Variants in DLGAP2 observed in about 807,000 individuals in gnomAD.
The protein encoded by DLGAP2 is disks large-associated protein 2.
DLGAP2 carries 26 observed loss-of-function variants against 100.3 expected under a neutral mutation model. That is an observed-to-expected ratio of 0.26 (90% CI 0.19 to 0.36). The LOEUF is 0.36. DLGAP2 is among the 10% of genes least tolerant of loss of function. DLGAP2 has a pLI of 1.00. For synonymous variants in DLGAP2, 886 were observed against 630.1 expected (o/e 1.41, Z -6.08); for missense variants, 1,858 against 1,453.2 (o/e 1.28, Z -4.53).
intron 2 of DLGAP2, among the ~76,000 whole-genome samples, chr8:1,037,304 T>C (rs1302225057): frequency 3.9e-5 from 6 of 152,134 alleles, no homozygotes; most frequent in African/African-American, 1.4e-4. Context: ...AGGCTCTGGC[T>C]CAACCTGAAG....
chr8:814,313 C>T (rs531732310), intron 1 of DLGAP2, among the ~76,000 whole-genome samples: 2 of 152,302 alleles, frequency 1.3e-5, no homozygotes, highest in South Asian at 4.1e-4. Context: ...ATGTTTGCAA[C>T]ACTAGTTTAG....
intron 3 of DLGAP2, among the ~76,000 whole-genome samples, chr8:1,441,906 A>G (rs1797845429): frequency 6.6e-6 from 1 of 152,010 alleles, no homozygotes; most frequent in Non-Finnish European, 1.5e-5. Context: ...TGGTCCATAT[A>G]CACTATGGAA....
rs7017828 is a variant in DLGAP2 at position 1,590,382 on chromosome 8, T to C, written c.1442+24488T>C. Among the ~76,000 whole-genome samples, 664 of 152,278 alleles carry C rather than the reference T, an allele frequency of 4.4e-3. 3 individuals are homozygous for C. Among genetic ancestry groups the C allele is most frequent in the African/African-American group, 0.015 (623 of 41,558 alleles). Reference sequence around the variant, plus strand: ...TATCTTGGTAATTATCAGACACTGTTTCTGAAACTTATTTCCATCTCCGTG... The same window carrying C: ...TATCTTGGTAATTATCAGACACTGTCTCTGAAACTTATTTCCATCTCCGTG... On this transcript the variant is annotated intron_variant, in intron 6 of 14. Coordinates refer to ENST00000637795, the MANE Select transcript of DLGAP2 (RefSeq NM_001346810.2).
At position 1,209,205 on chromosome 8, in the gene DLGAP2, G is replaced by A. The variant is rs143616584; in HGVS notation, c.74-49646G>A. Among the ~76,000 whole-genome samples, 581 of 152,148 alleles carry A rather than the reference G, an allele frequency of 3.8e-3. 2 individuals are homozygous for A. Among genetic ancestry groups the A allele is most frequent in the African/African-American group, 0.013 (555 of 41,496 alleles). The stretch of plus-strand genomic sequence containing the variant: ...GCCTGCATAGCCAAAGCAAGACTAA[G>A]CAAAAAGAACGAATCTGGAGGCATC... On this transcript the variant is annotated intron_variant, in intron 2 of 14. Transcript: ENST00000637795.
intron 2 of DLGAP2, among the ~76,000 whole-genome samples, chr8:1,254,948 T>A (rs759806372): frequency 7.2e-5 from 9 of 125,538 alleles, no homozygotes; most frequent in Non-Finnish European, 1.3e-4. Context: ...CCTGCCCGGG[T>A]GCTGTGTGTG....
intron 1 of DLGAP2, among the ~76,000 whole-genome samples, chr8:873,977 A>G (rs1748288591): frequency 6.6e-6 from 1 of 152,070 alleles, no homozygotes; most frequent in Non-Finnish European, 1.5e-5. Context: ...ATTTCATCTT[A>G]GGGCATCTAC....
intron 4 of DLGAP2, among the ~76,000 whole-genome samples, chr8:1,538,392 C>T (rs1801226839): frequency 2.0e-5 from 3 of 152,202 alleles, no homozygotes; most frequent in African/African-American, 7.2e-5. Context: ...GTTCTCTCCA[C>T]AAACACAGAA....
intron 3 of DLGAP2, among the ~76,000 whole-genome samples, chr8:1,266,192 C>T (rs1033551310): frequency 4.6e-5 from 7 of 152,336 alleles, no homozygotes; most frequent in East Asian, 1.9e-4. Context: ...CTACTATCTG[C>T]GAAAGGGGGT....
intron 6 of DLGAP2, among the ~76,000 whole-genome samples, chr8:1,570,694 G>C (rs1159149465): frequency 6.7e-6 from 1 of 149,562 alleles, no homozygotes; most frequent in African/African-American, 2.5e-5. Context: ...CTGTGGGGGT[G>C]TCTGATGAGA....
chr8:1,158,706 T>C (rs1010761151), intron 2 of DLGAP2, among the ~76,000 whole-genome samples: 5 of 152,220 alleles, frequency 3.3e-5, no homozygotes, highest in Non-Finnish European at 7.3e-5. Flanking sequence ...GCTTTGACCT[T>C]TGTGGGCTGC....
In DLGAP2 at chr8:1,231,814, G is replaced by A. The variant is rs896627148; in HGVS notation, c.74-27037G>A. Among the ~76,000 whole-genome samples the A allele has an allele frequency of 5.3e-5, 8 of 152,250 alleles. No homozygotes were observed. The South Asian group carries it at 1.2e-3, about 24-fold the overall frequency. On this transcript the variant is annotated intron_variant, in intron 2 of 14. Transcript: ENST00000637795. ...CCCTGGGGGCCGCTAGAGGAGGAAG[G>A]AAGGGCGGGAGGAAGTGTTGGAAAA... is the stretch of plus-strand genomic sequence containing the variant.
At chr8:1,464,020 AT>A (rs1272696223) in intron 3 of DLGAP2, among the ~76,000 whole-genome samples, 1 of 152,246 alleles carries the variant, frequency 6.6e-6, no homozygotes, top group East Asian at 1.9e-4. Flanking sequence ...CCAAAGTATC[AT>A]GGGAAAAAAA....
At chr8:983,128 C>T (rs918035035) in intron 2 of DLGAP2, among the ~76,000 whole-genome samples, 3 of 152,234 alleles carry the variant, frequency 2.0e-5, no homozygotes, top group African/African-American at 7.2e-5. Context: ...TTGGTCCACA[C>T]AGCACAAGTT....
rs376888244 is a variant in DLGAP2, at chr8:1,201,938, ATGTG to A, written c.74-56909_74-56906del. On this transcript the variant is annotated intron_variant, in intron 2 of 14. Transcript: ENST00000637795. The stretch of plus-strand genomic sequence containing the variant: ...TGTGTGGTATCTAGCTCTGTGTGTG[ATGTG>A]TGTATGTGTACACATGTGGTGTGTA... Among the ~76,000 whole-genome samples, 31 of 146,966 alleles carry A rather than the reference ATGTG, an allele frequency of 2.1e-4. 1 individual carries two copies. Among genetic ancestry groups the A allele is most frequent in the African/African-American group, 7.0e-4 (28 of 39,800 alleles).
intron 3 of DLGAP2, among the ~76,000 whole-genome samples, chr8:1,407,598 A>C (rs1366129620): frequency 5.1e-5 from 4 of 77,830 alleles, no homozygotes; most frequent in African/African-American, 1.5e-4. Flanking sequence ...ACTGAGCGCC[A>C]CCTCCTCATC....
intron 2 of DLGAP2, among the ~76,000 whole-genome samples, chr8:921,365 C>T (rs772318851): frequency 1.3e-5 from 2 of 152,020 alleles, no homozygotes; most frequent in Non-Finnish European, 2.9e-5. Context: ...GTCCACAGAC[C>T]CGACCTCCCT....
At chr8:811,419 AGGCCACCAGCTTTCG>A (rs1796367944) in intron 1 of DLGAP2, among the ~76,000 whole-genome samples, 1 of 148,560 alleles carries the variant, frequency 6.7e-6, no homozygotes, top group South Asian at 2.2e-4. Context: ...CCGTGGTGAG[AGGCCACCAGCTTTCG>A]GATGAAGCTC....
intron 3 of DLGAP2, among the ~76,000 whole-genome samples, chr8:1,445,860 A>G (rs1343668903): frequency 1.2e-4 from 19 of 152,124 alleles, no homozygotes; most frequent in African/African-American, 4.6e-4. Context: ...GCATATTTTC[A>G]TGTGGTTTTT....
At chr8:1,144,431 G>A (rs1271370408) in intron 2 of DLGAP2, among the ~76,000 whole-genome samples, 15 of 152,234 alleles carry the variant, frequency 9.9e-5, no homozygotes, top group Admixed American at 9.8e-4. Flanking sequence ...AGACAATGAT[G>A]ACAGTGAGCT....
Sources: allele counts gnomAD v4.1 joint callset (sites outside exome capture counted in the v4.1 genomes callset), GRCh38; gene constraint gnomAD v4.1.1; transcripts MANE v1.5; gene names NCBI Gene and HGNC (gene_info 2026-07-23, HGNC 2026-07-21).